LRP1B: variants seen among roughly 807,000 people sequenced by gnomAD.
LRP1B encodes LDL receptor related protein 1B.
Under a neutral mutation model 556.6 loss-of-function variants are expected in LRP1B, and 217 were observed. The observed-to-expected ratio is 0.39, with a 90% CI of 0.35 to 0.44. The LOEUF (loss-of-function observed/expected upper bound fraction) is 0.44. LRP1B is among the 20% of genes least tolerant of loss of function. The pLI, the probability that LRP1B is intolerant of heterozygous loss-of-function variation, is 1.00. For synonymous variants in LRP1B, 2,047 were observed against 1,865.8 expected, an observed-to-expected ratio of 1.10 and a Z score of -2.50; for missense variants, 5,053 against 5,620.8, an observed-to-expected ratio of 0.90 and a Z score of 3.23.
At chr2:140,888,903 C>T (rs1393749202) in intron 23 of LRP1B, among the ~76,000 whole-genome samples, 2 of 142,694 alleles carry the variant, frequency 1.4e-5, no homozygotes, top group East Asian at 2.1e-4. Flanking sequence ...GCAGAGGTTG[C>T]AGTGAGCCTA....
At chr2:142,056,508 G>A (rs1704677394) in intron 1 of LRP1B, among the ~76,000 whole-genome samples, 1 of 152,046 alleles carries the variant, frequency 6.6e-6, no homozygotes, top group African/African-American at 2.4e-5. Flanking sequence ...TTAGGAAGGG[G>A]TGGGCCAGCC....
chr2:140,247,210 C>T (rs780709107), intron 86 of LRP1B, 48 bp from the exon 87 acceptor site: 1 of 1,346,948 alleles, frequency 7.4e-7, no homozygotes, highest in South Asian at 1.2e-5. Flanking sequence ...AATAACAAAG[C>T]CCAGAAGTCA....
intron 41 of LRP1B, among the ~76,000 whole-genome samples, chr2:140,668,378 T>TTATTATG (rs1685361325): frequency 6.6e-6 from 1 of 150,802 alleles, no homozygotes. Context: ...ACATATATAT[T>TTATTATG]TATTATGTAT....
intron 41 of LRP1B, among the ~76,000 whole-genome samples, chr2:140,657,344 G>A (rs1050610914): frequency 4.0e-5 from 6 of 151,830 alleles, no homozygotes; most frequent in Admixed American, 2.6e-4. Context: ...AAAAGAGAAA[G>A]AGAGGCCCAG....
intron 1 of LRP1B, among the ~76,000 whole-genome samples, chr2:141,991,544 A>G (rs988157260): frequency 1.3e-5 from 2 of 152,020 alleles, no homozygotes; most frequent in Non-Finnish European, 2.9e-5. Context: ...CACATATATA[A>G]GTAACTATTT....
chr2:141,729,169 G>A (rs1051117930), intron 2 of LRP1B, among the ~76,000 whole-genome samples: 2 of 152,132 alleles, frequency 1.3e-5, no homozygotes, highest in African/African-American at 4.8e-5. Context: ...GCCTCAGCTG[G>A]AACCTGTTTT....
chr2:142,108,285 T>C (rs970130108), intron 1 of LRP1B, among the ~76,000 whole-genome samples: 5 of 152,128 alleles, frequency 3.3e-5, no homozygotes, highest in African/African-American at 9.6e-5. Flanking sequence ...CTAAATTATT[T>C]TTCTCAAATA....
chr2:141,846,749 C>T (rs527671717), intron 1 of LRP1B, among the ~76,000 whole-genome samples: 22 of 150,940 alleles, frequency 1.5e-4, no homozygotes, highest in African/African-American at 3.6e-4. Flanking sequence ...CATTCTCACC[C>T]GGAATGACAC....
At chr2:141,793,877 T>C (rs1258428959) in intron 2 of LRP1B, among the ~76,000 whole-genome samples, 1 of 151,918 alleles carries the variant, frequency 6.6e-6, no homozygotes, top group Non-Finnish European at 1.5e-5. Flanking sequence ...GGAGTTTTTA[T>C]CCTTACTTAT....
intron 3 of LRP1B, among the ~76,000 whole-genome samples, chr2:141,359,587 C>A (rs994568859): frequency 6.6e-6 from 1 of 152,096 alleles, no homozygotes; most frequent in African/African-American, 2.4e-5. Flanking sequence ...GAAACCCCAT[C>A]TTTACTAAAA....
intron 59 of LRP1B, among the ~76,000 whole-genome samples, chr2:140,480,790 T>A (rs1044474731): frequency 1.2e-4 from 19 of 152,180 alleles, no homozygotes; most frequent in African/African-American, 3.1e-4. Flanking sequence ...AATGAAAGTA[T>A]GTCTTTTAAA....
intron 2 of LRP1B, among the ~76,000 whole-genome samples, chr2:141,694,702 C>T (rs1223000996): frequency 6.7e-6 from 1 of 150,284 alleles, no homozygotes; most frequent in Non-Finnish European, 1.5e-5. Flanking sequence ...ACAAATGGTG[C>T]TCTTTAGAAA....
At chr2:141,115,606 G>A (rs1468947478) in intron 7 of LRP1B, among the ~76,000 whole-genome samples, 2 of 148,996 alleles carry the variant, frequency 1.3e-5, no homozygotes, top group Admixed American at 6.8e-5. Flanking sequence ...ACAGGCTCCC[G>A]CCACCATGCC....
chr2:141,993,822 G>T (rs961972724), intron 1 of LRP1B, among the ~76,000 whole-genome samples: 1 of 152,000 alleles, frequency 6.6e-6, no homozygotes, highest in Admixed American at 6.6e-5. Context: ...CTTTAAAATG[G>T]CAATGTTCAC....
At chr2:140,552,477 TACA>T (rs1377050154) in intron 43 of LRP1B, among the ~76,000 whole-genome samples, 2 of 152,148 alleles carry the variant, frequency 1.3e-5, no homozygotes, top group Admixed American at 1.3e-4. Context: ...CTTTGTAGGG[TACA>T]ACAAGTTTCA....
chr2:140,259,219 C>T (rs17385716), intron 86 of LRP1B, among the ~76,000 whole-genome samples: 3,129 of 152,138 alleles, frequency 0.021, 38 homozygotes, highest in African/African-American at 0.029. Context: ...CTTCAAAGGA[C>T]GGGGGATATA....
chr2:141,433,040 C>A (rs1680623035), intron 3 of LRP1B, among the ~76,000 whole-genome samples: 1 of 152,032 alleles, frequency 6.6e-6, no homozygotes, highest in Non-Finnish European at 1.5e-5. Context: ...TACAACTATT[C>A]TCTCTGAGCA....
Position 141,948,960 on chromosome 2 carries a change from G to T in LRP1B, c.83-138559C>A, listed in dbSNP as rs16847719. ...AAAAATAAAAGTATAAATCACACAC[G>T]CAAATATACACAGACATTTAATTAT... On this transcript the variant is annotated intron_variant, in intron 1 of 90. Coordinates refer to ENST00000389484, the MANE Select transcript of LRP1B (RefSeq NM_018557.3). Among the ~76,000 whole-genome samples the T allele has an allele frequency of 4.0e-4, 60 of 151,862 alleles. 2 individuals are homozygous for T. The East Asian group carries it at 0.01, about 26-fold the overall frequency.
At chr2:141,357,032 T>A (rs1438293760) in intron 3 of LRP1B, among the ~76,000 whole-genome samples, 1 of 149,148 alleles carries the variant, frequency 6.7e-6, no homozygotes, top group Admixed American at 6.6e-5. Flanking sequence ...TAAATTTTTT[T>A]ATTTTATTTT....
Sources: allele counts gnomAD v4.1 joint callset (sites outside exome capture counted in the v4.1 genomes callset), GRCh38; gene constraint gnomAD v4.1.1; transcripts MANE v1.5; gene names NCBI Gene and HGNC (gene_info 2026-07-23, HGNC 2026-07-21).